Variants in TRHDE observed in about 807,000 individuals in gnomAD.
TRHDE encodes the protein thyrotropin-releasing hormone-degrading ectoenzyme.
In TRHDE, 72 loss-of-function variants were observed where a neutral mutation model predicts 125.7. The observed-to-expected ratio is 0.57, with a 90% CI of 0.47 to 0.70. The LOEUF is 0.70. TRHDE is among the 30% of genes least tolerant of loss of function. The pLI is 0.00. For synonymous variants in TRHDE, 509 were observed against 509.1 expected, an observed-to-expected ratio of 1.00 and a Z score of 0.00; for missense variants, 1,110 against 1,327.1, an observed-to-expected ratio of 0.84 and a Z score of 2.54.
intron 3 of TRHDE, among the ~76,000 whole-genome samples, chr12:72,388,151 T>C (rs987217428): frequency 5.9e-5 from 9 of 152,076 alleles, no homozygotes; most frequent in Non-Finnish European, 1.2e-4. Flanking sequence ...TTGTTCTTGT[T>C]CTTCCCTCAG....
intron 15 of TRHDE, among the ~76,000 whole-genome samples, chr12:72,647,201 GC>G (rs1195074505): frequency 6.6e-6 from 1 of 151,960 alleles, no homozygotes; most frequent in Non-Finnish European, 1.5e-5. Flanking sequence ...TGTGGATTAA[GC>G]AAGATACTCT....
At chr12:72,257,234 C>CAT (rs1160943018) in intron 2 of TRHDE, 2 of 152,168 alleles carry the variant, frequency 1.3e-5, no homozygotes, top group Non-Finnish European at 2.9e-5. Context: ...TCAATGCCAA[C>CAT]ATGATGCACT....
intron 12 of TRHDE, among the ~76,000 whole-genome samples, chr12:72,589,245 T>G (rs772712083): frequency 1.3e-5 from 2 of 152,178 alleles, no homozygotes; most frequent in Non-Finnish European, 2.9e-5. Context: ...TATATTTTCT[T>G]ATGATCGATC....
chr12:72,469,821 T>A lies in TRHDE; in HGVS notation c.1379T>A (p.Val460Glu). ...AMENWGLSIFVEQRILLDPSV... is the reference protein window; with the variant it reads ...AMENWGLSIFEEQRILLDPSV... ...GAGAACTGGGGACTAAGTATTTTTG[T>A]GGAACAAAGAATACTGCTGGATCCC... Residue 460 changes from valine to glutamate, a missense_variant, in exon 4 of 19, where the codon GTG (valine) becomes GAG (glutamate). This residue lies in a region of TRHDE where 252 missense variants were observed against 274.8 expected (regional missense o/e 0.92). Transcript: ENST00000261180. The A allele has an allele frequency of 6.2e-7, 1 of 1,614,014 alleles. No individual in the cohort carries two copies. Among genetic ancestry groups the A allele is most frequent in the Admixed American group, 1.7e-5 (1 of 60,024 alleles).
intron 12 of TRHDE, chr12:72,611,409 T>C (rs1872628242): frequency 6.6e-6 from 1 of 152,156 alleles, no homozygotes; most frequent in Non-Finnish European, 1.5e-5. Context: ...AGCAAGAAAA[T>C]AACCCATTTA....
At chr12:72,493,326 CATTTAT>C (rs1220578479) in intron 5 of TRHDE, among the ~76,000 whole-genome samples, 10 of 152,046 alleles carry the variant, frequency 6.6e-5, no homozygotes, top group African/African-American at 2.4e-4. Flanking sequence ...AATCTGCCTA[CATTTAT>C]ATTTATATCT....
At chr12:72,173,305 G>T (rs1291163172) in intron 2 of TRHDE, among the ~76,000 whole-genome samples, 1 of 152,156 alleles carries the variant, frequency 6.6e-6, no homozygotes, top group Non-Finnish European at 1.5e-5. Flanking sequence ...GCTAGGAGAG[G>T]TTGCTGTGAC....
At chr12:72,374,065 A>G (rs918556866) in intron 2 of TRHDE, among the ~76,000 whole-genome samples, 1 of 152,154 alleles carries the variant, frequency 6.6e-6, no homozygotes, top group Non-Finnish European at 1.5e-5. Flanking sequence ...TCAGGCAAGA[A>G]ATGGAGAAGG....
At chr12:72,397,468 A>G (rs777054971) in intron 3 of TRHDE, among the ~76,000 whole-genome samples, 1 of 152,030 alleles carries the variant, frequency 6.6e-6, no homozygotes, top group Non-Finnish European at 1.5e-5. Context: ...ATCTTCCTCT[A>G]TTTCTTCCTA....
chr12:72,488,415 A>T (rs1447005120), intron 5 of TRHDE, among the ~76,000 whole-genome samples: 2 of 152,110 alleles, frequency 1.3e-5, no homozygotes, highest in African/African-American at 4.8e-5. Flanking sequence ...AGAGGCAAAG[A>T]TGGTTATTAC....
intron 2 of TRHDE, among the ~76,000 whole-genome samples, chr12:72,330,239 T>G (rs921754707): frequency 6.6e-6 from 1 of 151,952 alleles, no homozygotes; most frequent in Admixed American, 6.6e-5. Context: ...TGGAAAAGTT[T>G]TACTGTTCTG....
At chr12:72,254,317 TTTATCTCCC>T (rs1007594640) in intron 2 of TRHDE, 17 of 152,252 alleles carry the variant, frequency 1.1e-4, no homozygotes, top group African/African-American at 3.9e-4. Flanking sequence ...GCCAATATCC[TTTATCTCCC>T]TTGTCCCACT....
chr12:72,395,505 C>T (rs1255129811), intron 3 of TRHDE, among the ~76,000 whole-genome samples: 3 of 152,078 alleles, frequency 2.0e-5, no homozygotes, highest in Non-Finnish European at 4.4e-5. Flanking sequence ...AACTTGTCAC[C>T]CTCCTTCTCC....
Position 72,455,267 on chromosome 12 carries a change from TA to T in TRHDE, c.1316-14484del, listed in dbSNP as rs201115656. Among the ~76,000 whole-genome samples the T allele has an allele frequency of 3.3e-3, 497 of 152,208 alleles. 3 individuals are homozygous for T. Among genetic ancestry groups the T allele is most frequent in the African/African-American group, 0.012 (480 of 41,548 alleles). On this transcript the variant is annotated intron_variant, in intron 3 of 18. Coordinates refer to ENST00000261180, the MANE Select transcript of TRHDE (RefSeq NM_013381.3). ...AACTTTCTCCGGTACTCTTTGCCATTAAAAAAATGTTATATGTGATCTGAAA... is the reference window on the plus strand; with the variant it reads ...AACTTTCTCCGGTACTCTTTGCCATTAAAAAATGTTATATGTGATCTGAAA...
intron 2 of TRHDE, among the ~76,000 whole-genome samples, chr12:72,295,355 T>G (rs898506875): frequency 6.6e-6 from 1 of 152,092 alleles, no homozygotes; most frequent in African/African-American, 2.4e-5. Flanking sequence ...GCAGCCAGTG[T>G]GATGGCAGCA....
chr12:72,198,244 G>T (rs1215707830), intron 2 of TRHDE, among the ~76,000 whole-genome samples: 1 of 151,272 alleles, frequency 6.6e-6, no homozygotes, highest in African/African-American at 2.4e-5. Context: ...TTCCTTTTTT[G>T]GCTATTAAGA....
chr12:72,639,160 G>T (rs1332900243), intron 15 of TRHDE, among the ~76,000 whole-genome samples: 1 of 151,062 alleles, frequency 6.6e-6, no homozygotes, highest in Non-Finnish European at 1.5e-5. Context: ...CGTAGATTTG[G>T]TCTTTTCACA....
intron 7 of TRHDE, among the ~76,000 whole-genome samples, chr12:72,549,660 A>G (rs1869583271): frequency 6.6e-6 from 1 of 151,884 alleles, no homozygotes; most frequent in African/African-American, 2.4e-5. Context: ...CATTTAATTT[A>G]TTAATGACCT....
In TRHDE at chr12:72,399,808, A is replaced by T. The variant is rs562134906; in HGVS notation, c.1315+21687A>T. Among the ~76,000 whole-genome samples the T allele has an allele frequency of 1.4e-3, 215 of 152,240 alleles. 1 individual carries two copies. The highest frequency in any genetic ancestry group is 4.4e-3 in the African/African-American group (184 of 41,562). ...AACTTTAAAAACTAGGCTACTTTTT[A>T]AAAAAAGAGTAAACTTTCAATGATA... On this transcript the variant is annotated intron_variant, in intron 3 of 18. Coordinates refer to ENST00000261180, the MANE Select transcript of TRHDE (RefSeq NM_013381.3).
Sources: gnomAD v4.1 joint callset for allele counts (sites outside exome capture counted in the v4.1 genomes callset) on GRCh38, gnomAD v4.1.1 for gene constraint, gnomAD v4.1.1 regional missense constraint, MANE v1.5 for transcripts, NCBI Gene and HGNC (gene_info 2026-07-23, HGNC 2026-07-21) for gene names.